COL5A2: variants seen among roughly 807,000 people sequenced by gnomAD.
COL5A2 encodes collagen type V alpha 2 chain.
A neutral mutation model predicts 208.2 loss-of-function variants in COL5A2; 23 were observed. The observed-to-expected ratio is 0.11, with a 90% CI of 0.08 to 0.16. COL5A2 has a LOEUF of 0.16. Among genes scored for constraint, COL5A2 ranks in the 10% least tolerant of loss-of-function variants. COL5A2 has a pLI of 1.00. For synonymous variants in COL5A2, 625 were observed against 628.5 expected (o/e 0.99, Z 0.08); for missense variants, 1,590 against 1,956.4 (o/e 0.81, Z 3.53).
At chr2:189,107,229 G>C (rs1375455424) in intron 2 of COL5A2, among the ~76,000 whole-genome samples, 1 of 151,472 alleles carries the variant, frequency 6.6e-6, no homozygotes. Context: ...TAGCTGCTTT[G>C]CAAATTTCTC....
chr2:189,407,466 C>T, the COL5A2 span, among the ~76,000 whole-genome samples: 1 of 152,104 alleles, frequency 6.6e-6, no homozygotes, highest in African/African-American at 2.4e-5. Context: ...TTGAAAGGGA[C>T]ATTTACCTTC....
At chr2:189,406,329 A>G in the COL5A2 span, among the ~76,000 whole-genome samples, 1 of 152,186 alleles carries the variant, frequency 6.6e-6, no homozygotes, top group Non-Finnish European at 1.5e-5. Context: ...TCACAAATAC[A>G]TGAAGAAGTG....
chr2:189,209,179 T>A (rs542127633), intron 1 of COL5A2, among the ~76,000 whole-genome samples: 1 of 151,800 alleles, frequency 6.6e-6, no homozygotes, highest in African/African-American at 2.4e-5. Context: ...TAACAACTGA[T>A]AATCAATACA....
chr2:189,286,541 G>T, the COL5A2 span, among the ~76,000 whole-genome samples: 163 of 152,072 alleles, frequency 1.1e-3, no homozygotes, highest in African/African-American at 3.9e-3. Context: ...AGGGAAAAAC[G>T]GGAGGTGGTC....
At chr2:189,267,997 T>C in the COL5A2 span, among the ~76,000 whole-genome samples, 1 of 152,192 alleles carries the variant, frequency 6.6e-6, no homozygotes, top group African/African-American at 2.4e-5. Context: ...AATACAAAGA[T>C]GCATCTCCAG....
the COL5A2 span, among the ~76,000 whole-genome samples, chr2:189,363,407 T>C: frequency 0.036 from 5,542 of 152,258 alleles, 117 homozygotes; most frequent in Admixed American, 0.05. Context: ...TTTCCATTTG[T>C]AATTAAAATT....
chr2:189,106,333 TAA>T (rs1029794303), intron 2 of COL5A2, among the ~76,000 whole-genome samples: 3 of 151,460 alleles, frequency 2.0e-5, no homozygotes, highest in Admixed American at 6.6e-5. Flanking sequence ...CATTTTGTGT[TAA>T]GTTATCCTTA....
At chr2:189,313,019 C>A in the COL5A2 span, among the ~76,000 whole-genome samples, 1 of 151,962 alleles carries the variant, frequency 6.6e-6, no homozygotes, top group Non-Finnish European at 1.5e-5. Flanking sequence ...AGAATGTAGC[C>A]AACCTGACAG....
At chr2:189,080,119 G>A in intron 13 of COL5A2, 88 bp from the exon 14 acceptor site, 1 of 986,408 alleles carries the variant, frequency 1.0e-6, no homozygotes, top group South Asian at 1.4e-5. Flanking sequence ...TGCAGAAATT[G>A]CCTTATAAAA....
At chr2:189,331,949 CAA>C in the COL5A2 span, among the ~76,000 whole-genome samples, 5 of 83,528 alleles carry the variant, frequency 6.0e-5, no homozygotes, top group African/African-American at 5.1e-5. Flanking sequence ...GACTCCGTCT[CAA>C]AAAAAAAAAA....
At chr2:189,172,976 T>A (rs1488922770) in intron 1 of COL5A2, among the ~76,000 whole-genome samples, 2 of 145,990 alleles carry the variant, frequency 1.4e-5, no homozygotes, top group Non-Finnish European at 3.0e-5. Context: ...TTCTTTTTTT[T>A]TTTTTTTTTT....
At chr2:189,409,484 G>C in the COL5A2 span, among the ~76,000 whole-genome samples, 1 of 151,938 alleles carries the variant, frequency 6.6e-6, no homozygotes, top group Non-Finnish European at 1.5e-5. Context: ...AATGAAATAA[G>C]AAAATTATCG....
chr2:189,244,435 A>C, the COL5A2 span, among the ~76,000 whole-genome samples: 5 of 152,220 alleles, frequency 3.3e-5, no homozygotes, highest in African/African-American at 1.2e-4. Flanking sequence ...AAATGCTGGC[A>C]GTCTCTTTGC....
chr2:189,064,099 T>A, intron 25 of COL5A2, 66 bp from the exon 26 acceptor site: 2 of 1,315,484 alleles, frequency 1.5e-6, no homozygotes, highest in Non-Finnish European at 2.2e-6. Context: ...TTCTTAAGAG[T>A]AAAAATAGTG....
chr2:189,361,883 A>G, the COL5A2 span, among the ~76,000 whole-genome samples: 1 of 152,064 alleles, frequency 6.6e-6, no homozygotes, highest in Admixed American at 6.6e-5. Context: ...AAAGTAACCA[A>G]AAAAAATCTC....
Position 189,179,661 on chromosome 2 carries a change from T to C in COL5A2, c.-57A>G, listed in dbSNP as rs1197037904. 6 of 1,557,340 alleles carry C rather than the reference T, an allele frequency of 3.9e-6. No homozygotes were observed. Among genetic ancestry groups the C allele is most frequent in the Admixed American group, 1.9e-5 (1 of 52,454 alleles). ...GAGTGAAAAGTAGATTCTGAGGTTATTGTAGCACCATGAAGTCAGCTGTGG... is the reference window on the plus strand; with the variant it reads ...GAGTGAAAAGTAGATTCTGAGGTTACTGTAGCACCATGAAGTCAGCTGTGG... On this transcript the variant is annotated 5_prime_UTR_variant, in exon 1 of 54. Coordinates refer to ENST00000374866, the MANE Select transcript of COL5A2 (RefSeq NM_000393.5).
intron 1 of COL5A2, among the ~76,000 whole-genome samples, chr2:189,111,437 A>ACT (rs1433825235): frequency 1.3e-5 from 2 of 152,188 alleles, no homozygotes; most frequent in Non-Finnish European, 2.9e-5. Flanking sequence ...TATAAAGGCT[A>ACT]AAGACCTTCT....
chr2:189,319,362 C>T, the COL5A2 span, among the ~76,000 whole-genome samples: 6 of 152,332 alleles, frequency 3.9e-5, no homozygotes, highest in Non-Finnish European at 7.4e-5. Context: ...CGAAGCAGGG[C>T]GAGGCATCGC....
At chr2:189,343,815 G>A in the COL5A2 span, among the ~76,000 whole-genome samples, 1 of 152,010 alleles carries the variant, frequency 6.6e-6, no homozygotes, top group Non-Finnish European at 1.5e-5. Flanking sequence ...AAGGTTACTT[G>A]TGTTTTGGCT....
Sources: allele counts gnomAD v4.1 joint callset (sites outside exome capture counted in the v4.1 genomes callset), GRCh38; gene constraint gnomAD v4.1.1; transcripts MANE v1.5; gene names NCBI Gene and HGNC (gene_info 2026-07-23, HGNC 2026-07-21).